SLC35F3: variants seen among roughly 807,000 people sequenced by gnomAD.
SLC35F3 encodes solute carrier family 35 member F3, also known as putative thiamine transporter SLC35F3.
SLC35F3 carries 25 observed loss-of-function variants against 49.9 expected under a neutral mutation model. The observed-to-expected ratio is 0.50, with a 90% CI of 0.37 to 0.70. SLC35F3 has a LOEUF of 0.70. Among genes scored for constraint, SLC35F3 ranks in the 30% least tolerant of loss-of-function variants. The pLI is 0.00. For synonymous variants in SLC35F3, 275 were observed against 265.4 expected (o/e 1.04, Z -0.35); for missense variants, 525 against 639.8 (o/e 0.82, Z 1.94).
intron 2 of SLC35F3, among the ~76,000 whole-genome samples, chr1:234,209,622 G>A (rs1667021599): frequency 1.3e-5 from 2 of 152,248 alleles, no homozygotes; most frequent in African/African-American, 2.4e-5. Flanking sequence ...GCAGGATAGG[G>A]CAGGGCAGCT....
intron 2 of SLC35F3, among the ~76,000 whole-genome samples, chr1:233,945,462 A>G (rs1454803245): frequency 6.6e-6 from 1 of 152,214 alleles, no homozygotes; most frequent in East Asian, 1.9e-4. Flanking sequence ...CTGGTTATTG[A>G]AGGAAAGATG....
At chr1:233,946,564 TTTC>T (rs1662516735) in intron 2 of SLC35F3, among the ~76,000 whole-genome samples, 1 of 152,214 alleles carries the variant, frequency 6.6e-6, no homozygotes, top group South Asian at 2.1e-4. Flanking sequence ...TTATTTAAAT[TTTC>T]TTATTTAAAT....
intron 2 of SLC35F3, among the ~76,000 whole-genome samples, chr1:234,115,163 T>C (rs1040639158): frequency 1.3e-5 from 2 of 152,166 alleles, no homozygotes; most frequent in Non-Finnish European, 2.9e-5. Context: ...TAAGGAAGTG[T>C]CTAAGAATCT....
chr1:234,126,679 T>A (rs998570804), intron 2 of SLC35F3, among the ~76,000 whole-genome samples: 9 of 149,544 alleles, frequency 6.0e-5, no homozygotes, highest in African/African-American at 2.3e-4. Context: ...TCTATAATGT[T>A]TTCTTTTCTT....
At chr1:234,164,411 C>T (rs1284323750) in intron 2 of SLC35F3, among the ~76,000 whole-genome samples, 1 of 150,614 alleles carries the variant, frequency 6.6e-6, no homozygotes, top group Non-Finnish European at 1.5e-5. Flanking sequence ...CGCTCCCTCC[C>T]TCTTTCTTTT....
Position 234,231,277 on chromosome 1 carries a change from G to T in SLC35F3, c.284-140G>T. ...TATTGCAGCTTGCTGTCACACAGCCGCCCTGGAAGCCGCCCCTGCACCCGC... is the reference window on the plus strand; with the variant it reads ...TATTGCAGCTTGCTGTCACACAGCCTCCCTGGAAGCCGCCCCTGCACCCGC... On this transcript the variant is annotated intron_variant, in intron 2 of 7. Coordinates refer to ENST00000366618, the MANE Select transcript of SLC35F3 (RefSeq NM_173508.4). This position sits in a 1 kb window ranked among gnomAD's most constrained non-coding sequence, Gnocchi z 5.4. 1 of 666,382 alleles carries T rather than the reference G, an allele frequency of 1.5e-6. No homozygotes were observed. The highest frequency in any genetic ancestry group is 2.9e-5 in the East Asian group (1 of 34,986). The allele number at this position is 666,382 out of a possible 1,614,324, so 41.3% of individuals were successfully genotyped here.
intron 2 of SLC35F3, among the ~76,000 whole-genome samples, chr1:233,950,257 G>A (rs1479563984): frequency 2.0e-5 from 3 of 151,534 alleles, no homozygotes; most frequent in African/African-American, 7.3e-5. Flanking sequence ...GTGGTGGCAG[G>A]TGCCTGTAGT....
At chr1:234,305,490 C>A (rs1657141429) in intron 3 of SLC35F3, among the ~76,000 whole-genome samples, 1 of 151,390 alleles carries the variant, frequency 6.6e-6, no homozygotes, top group South Asian at 2.1e-4. Flanking sequence ...TCAAGCGATT[C>A]CCCTCCCTCA....
intron 2 of SLC35F3, among the ~76,000 whole-genome samples, chr1:233,940,092 C>T (rs187773061): frequency 6.6e-6 from 1 of 152,188 alleles, no homozygotes; most frequent in Non-Finnish European, 1.5e-5. Flanking sequence ...CACTCAGTCA[C>T]ATACATTCAC....
intron 2 of SLC35F3, among the ~76,000 whole-genome samples, chr1:234,114,449 A>G (rs1395735148): frequency 6.6e-6 from 1 of 152,206 alleles, no homozygotes; most frequent in Non-Finnish European, 1.5e-5. Flanking sequence ...AAACTGACAT[A>G]TTTATGAAAG....
chr1:234,140,430 G>A (rs939132559), intron 2 of SLC35F3, among the ~76,000 whole-genome samples: 1 of 152,078 alleles, frequency 6.6e-6, no homozygotes, highest in Non-Finnish European at 1.5e-5. Flanking sequence ...TGTGCCTAGT[G>A]AATAAATTAA....
At chr1:233,950,385 CAA>C (rs58271294) in intron 2 of SLC35F3, among the ~76,000 whole-genome samples, 6 of 31,382 alleles carry the variant, frequency 1.9e-4, no homozygotes, top group East Asian at 2.0e-3. Flanking sequence ...GACTCTGTCT[CAA>C]AAAAAAAAAA....
At chr1:234,092,408 C>A (rs6671634) in intron 2 of SLC35F3, among the ~76,000 whole-genome samples, 1 of 152,036 alleles carries the variant, frequency 6.6e-6, no homozygotes. Context: ...TCTCCCACCC[C>A]CTCCTACACT....
intron 2 of SLC35F3, among the ~76,000 whole-genome samples, chr1:233,935,510 C>T (rs2102795938): frequency 6.6e-6 from 1 of 152,174 alleles, no homozygotes; most frequent in East Asian, 1.9e-4. Flanking sequence ...CCAGAAGCAA[C>T]CGATTTTTTT....
intron 2 of SLC35F3, among the ~76,000 whole-genome samples, chr1:234,087,240 T>C (rs1452238378): frequency 1.2e-4 from 19 of 152,226 alleles, no homozygotes; most frequent in Admixed American, 1.2e-3. Context: ...TAAACCATTC[T>C]TGCCCACCTT....
intron 2 of SLC35F3, among the ~76,000 whole-genome samples, chr1:234,023,927 T>A (rs1478456742): frequency 6.6e-6 from 1 of 151,998 alleles, no homozygotes; most frequent in African/African-American, 2.4e-5. Context: ...TCTGAGAAAC[T>A]GTCTCAGCCA....
At chr1:234,313,154 G>T (rs185945706) in intron 4 of SLC35F3, among the ~76,000 whole-genome samples, 1 of 152,178 alleles carries the variant, frequency 6.6e-6, no homozygotes, top group African/African-American at 2.4e-5. Flanking sequence ...TGGGATTACA[G>T]GTGTGAACCA....
chr1:233,960,237 T>G (rs959004859), intron 2 of SLC35F3, among the ~76,000 whole-genome samples: 1 of 152,170 alleles, frequency 6.6e-6, no homozygotes, highest in Non-Finnish European at 1.5e-5. Flanking sequence ...TGAGCAGCTG[T>G]ACCCTCATTT....
At chr1:233,910,451 T>G (rs1661855895) in intron 2 of SLC35F3, among the ~76,000 whole-genome samples, 1 of 152,236 alleles carries the variant, frequency 6.6e-6, no homozygotes, top group African/African-American at 2.4e-5. Context: ...TTTATTTTCA[T>G]TTATTCATTT....
Sources: gnomAD v4.1 joint callset for allele counts (sites outside exome capture counted in the v4.1 genomes callset) on GRCh38, gnomAD v4.1.1 for gene constraint, Gnocchi (gnomAD v3.1) non-coding constraint, MANE v1.5 for transcripts, NCBI Gene and HGNC (gene_info 2026-07-23, HGNC 2026-07-21) for gene names.